Variants in SMIM41 observed in about 807,000 individuals in gnomAD.
The protein encoded by SMIM41 is small integral membrane protein 41.
rs1170666390 is a variant in SMIM41 at position 52,081,850 on chromosome 12, C to T, written c.*120+1669C>T. 2.0e-5 allele frequency among the ~76,000 whole-genome samples: 3 copies of T among 152,170 alleles called. No individual in the cohort carries two copies. Among genetic ancestry groups the T allele is most frequent in the African/African-American group, 7.2e-5 (3 of 41,428 alleles). ...GACAGAGCTGGAAGCAGACCCTGGG[C>T]CCTGATTCCAAGTTCAGGCCCCCTT... On this transcript the variant is annotated intron_variant, in intron 1 of 2. Coordinates refer to ENST00000546390, the MANE Select transcript of SMIM41 (RefSeq NM_001369216.1). This position sits in a 1 kb window ranked among gnomAD's most constrained non-coding sequence, Gnocchi z 4.1.
chr12:52,094,020 A>G (rs1181810965), intron 2 of SMIM41, among the ~76,000 whole-genome samples: 1 of 150,462 alleles, frequency 6.6e-6, no homozygotes, highest in Non-Finnish European at 1.5e-5. Flanking sequence ...AATCCCAGCT[A>G]CTCGGGAGGC....
Position 52,107,506 on chromosome 12 carries a change from T to C in SMIM41, c.*323T>C, listed in dbSNP as rs200577409. ...CCTGACTCCCACCTCCACACCTCCATGTACTTCTTCCTCTCCAACCTGTCC... is the reference window on the plus strand; with the variant it reads ...CCTGACTCCCACCTCCACACCTCCACGTACTTCTTCCTCTCCAACCTGTCC... On this transcript the variant is annotated 3_prime_UTR_variant, in exon 3 of 3. Transcript: ENST00000546390. The C allele has an allele frequency of 2.5e-4, 228 of 910,418 alleles. 1 individual carries two copies. The highest frequency in any genetic ancestry group is 5.9e-5 in the Non-Finnish European group (34 of 574,658). The allele number at this position is 910,418 out of a possible 1,614,324, so 56.4% of individuals were successfully genotyped here. A position where few individuals can be genotyped will look rare whatever the true frequency, so the allele number is the denominator to read the frequency against.
chr12:52,090,546 G>A (rs372512255), intron 2 of SMIM41, among the ~76,000 whole-genome samples: 5 of 152,196 alleles, frequency 3.3e-5, no homozygotes, highest in East Asian at 1.9e-4. Context: ...AGGGAGCTGC[G>A]GCTGCGGTGA....
At chr12:52,104,546 T>C (rs1453459559) in intron 2 of SMIM41, among the ~76,000 whole-genome samples, 5 of 151,962 alleles carry the variant, frequency 3.3e-5, no homozygotes, top group Non-Finnish European at 7.4e-5. Flanking sequence ...TGAGGGACGG[T>C]TGGGAGCCTT....
chr12:52,079,926 C>T lies in SMIM41; in HGVS notation c.147C>T (p.Cys49=), dbSNP rs921219390. ...GCGTGCTGTCCCTGCTGGTGCTTTG[C>T]GGGGTCCTGTTCCTGGGCGGCGGCC... is the stretch of plus-strand genomic sequence containing the variant. ...VLGVLSLLVL[C]GVLFLGGGLL... is the part of the protein sequence containing the mutation. Residue 49 remains cysteine (C), a synonymous_variant, in exon 1 of 3, where the codon TGC becomes TGT. Coordinates refer to ENST00000546390, the MANE Select transcript of SMIM41 (RefSeq NM_001369216.1). 4 of 387,554 alleles carry T rather than the reference C, an allele frequency of 1.0e-5. No individual in the cohort carries two copies. The highest frequency in any genetic ancestry group is 4.5e-5 in the Admixed American group (1 of 22,338). 24.0% of individuals were successfully genotyped at this position (387,554 alleles called of 1,614,324 possible).
chr12:52,096,719 T>C (rs1940103818), intron 2 of SMIM41, among the ~76,000 whole-genome samples: 1 of 151,718 alleles, frequency 6.6e-6, no homozygotes, highest in South Asian at 2.1e-4. Flanking sequence ...GTCATTATTA[T>C]CGGTAGTGAT....
intron 2 of SMIM41, among the ~76,000 whole-genome samples, chr12:52,095,115 A>T (rs1592326419): frequency 8.0e-6 from 1 of 125,454 alleles, no homozygotes; most frequent in Non-Finnish European, 1.5e-5. Context: ...CCACTTAATT[A>T]AAATTTTTTT....
rs1940367187 is a variant in SMIM41 at position 52,107,607 on chromosome 12, T to C, written c.*424T>C. ...CATCCAGTCTCGCAGCAGAGTCATC[T>C]CCTATGCAGGCTGCCTGACTCAGAA... is the stretch of plus-strand genomic sequence containing the variant. On this transcript the variant is annotated 3_prime_UTR_variant, in exon 3 of 3. Transcript: ENST00000546390. 2 of 635,162 alleles carry C rather than the reference T, an allele frequency of 3.1e-6. No homozygotes were observed. Among genetic ancestry groups the C allele is most frequent in the Non-Finnish European group, 5.9e-6 (2 of 337,622 alleles). The allele number at this position is 635,162 out of a possible 1,614,324, so 39.3% of individuals were successfully genotyped here.
At chr12:52,103,376 A>G (rs1237052985) in intron 2 of SMIM41, among the ~76,000 whole-genome samples, 7 of 150,540 alleles carry the variant, frequency 4.6e-5, no homozygotes, top group Non-Finnish European at 7.4e-5. Flanking sequence ...AAAAAAACCA[A>G]AAAACAAAAC....
intron 2 of SMIM41, chr12:52,094,829 A>T (rs1232585159): frequency 6.6e-6 from 1 of 152,224 alleles, no homozygotes; most frequent in African/African-American, 2.4e-5. Flanking sequence ...GCTAGGTCCC[A>T]AGAAGTTAGC....
chr12:52,079,715 G>T lies in SMIM41; in HGVS notation c.-65G>T. 2.6e-6 allele frequency: 1 copy of T among 389,466 alleles called. No homozygotes were observed. The highest frequency in any genetic ancestry group is 4.5e-6 in the Non-Finnish European group (1 of 220,212). 24.1% of individuals were successfully genotyped at this position (389,466 alleles called of 1,614,324 possible). On this transcript the variant is annotated 5_prime_UTR_variant, in exon 1 of 3. Transcript: ENST00000546390. ...CCCTCCCCGACGCAGCCGCCGGCCC[G>T]CCCGCCAGTCTGGGCTCCTGCACAT...
intron 2 of SMIM41, among the ~76,000 whole-genome samples, chr12:52,098,916 T>A (rs1479686414): frequency 2.0e-5 from 3 of 151,868 alleles, no homozygotes; most frequent in African/African-American, 7.3e-5. Flanking sequence ...CCCTTTGCGA[T>A]ATTGAGAGTC....
intron 2 of SMIM41, among the ~76,000 whole-genome samples, chr12:52,090,034 C>T (rs1193813509): frequency 1.3e-5 from 2 of 151,812 alleles, no homozygotes; most frequent in African/African-American, 4.9e-5. Context: ...ATGGAATCAT[C>T]AGGAAGTGTT....
chr12:52,097,182 G>A (rs1940113672), intron 2 of SMIM41, among the ~76,000 whole-genome samples: 1 of 152,042 alleles, frequency 6.6e-6, no homozygotes, highest in African/African-American at 2.4e-5. Context: ...ATTCAGGGGG[G>A]AAGAGTATGA....
At chr12:52,092,495 A>G (rs572382094) in intron 2 of SMIM41, 3 of 152,224 alleles carry the variant, frequency 2.0e-5, no homozygotes, top group Admixed American at 1.3e-4. Context: ...AAGCAAAGAT[A>G]AACAGGCTTC....
intron 2 of SMIM41, among the ~76,000 whole-genome samples, chr12:52,088,610 C>A (rs1939930361): frequency 6.6e-6 from 1 of 152,216 alleles, no homozygotes. Flanking sequence ...ATGGTCCCTT[C>A]TGCCTGACGG....
At chr12:52,095,011 T>C (rs1299859057) in intron 2 of SMIM41, among the ~76,000 whole-genome samples, 2 of 150,072 alleles carry the variant, frequency 1.3e-5, no homozygotes, top group Non-Finnish European at 3.0e-5. Flanking sequence ...AGTGGTGTGA[T>C]CTCCGCTCAC....
At chr12:52,090,397 A>C (rs906695348) in intron 2 of SMIM41, among the ~76,000 whole-genome samples, 1 of 146,362 alleles carries the variant, frequency 6.8e-6, no homozygotes, top group African/African-American at 2.5e-5. Flanking sequence ...AAGTGTTATT[A>C]GAGCAAAGAC....
At chr12:52,104,207 C>A (rs958148556) in intron 2 of SMIM41, 2 of 152,268 alleles carry the variant, frequency 1.3e-5, no homozygotes, top group Non-Finnish European at 2.9e-5. Context: ...TATGGACACT[C>A]ACTTTTCTCT....
Sources: gnomAD v4.1 joint callset for allele counts (sites outside exome capture counted in the v4.1 genomes callset) on GRCh38, gnomAD v4.1.1 for gene constraint, Gnocchi (gnomAD v3.1) non-coding constraint, MANE v1.5 for transcripts, NCBI Gene and HGNC (gene_info 2026-07-23, HGNC 2026-07-21) for gene names.